JAG1: variants seen among roughly 807,000 people sequenced by gnomAD.
JAG1 encodes protein jagged-1.
JAG1 carries 23 observed loss-of-function variants against 148.7 expected under a neutral mutation model. That is an observed-to-expected ratio of 0.15 (90% CI 0.11 to 0.22). JAG1 has a LOEUF of 0.22. JAG1 is among the 10% of genes least tolerant of loss of function. The probability of loss-of-function intolerance (pLI) is 1.00; values close to 1 mark genes in which losing one functional copy is unlikely to be tolerated. For missense variants in JAG1, 1,054 were observed against 1,611.2 expected (o/e 0.65, Z 5.92); for synonymous variants, 572 against 598.3 (o/e 0.96, Z 0.64).
chr20:10,648,125 A>G lies in JAG1; in HGVS notation c.1570-15T>C. ...TCGATGTCCAGCTGCAAATATCAGG[A>G]ACAGCGAAAAGGGGGAGGGATCAGA... On this transcript the variant is annotated splice_polypyrimidine_tract_variant and intron_variant, in intron 12 of 25. Transcript: ENST00000254958. 6.2e-7 allele frequency: 1 copy of G among 1,614,142 alleles called. No homozygotes were observed. The highest frequency in any genetic ancestry group is 8.5e-7 in the Non-Finnish European group (1 of 1,179,992).
rs757261841 is a variant in JAG1, at chr20:10,640,921, T to G, written c.3061A>C (p.Ile1021Leu). 1.2e-6 allele frequency: 2 copies of G among 1,614,204 alleles called. No homozygotes were observed. The highest frequency in any genetic ancestry group is 1.7e-6 in the Non-Finnish European group (2 of 1,180,016). Reference sequence around the variant, plus strand: ...TTGATCGGGTTCCCATCATCCCGTATATCTTCAGCAGACTGGAAAAACAAT... The same window carrying G: ...TTGATCGGGTTCCCATCATCCCGTAGATCTTCAGCAGACTGGAAAAACAAT... ...EIHVAISAEDIRDDGNPIKEI... is the reference protein window; with the variant it reads ...EIHVAISAEDLRDDGNPIKEI... Residue 1021 changes from isoleucine to leucine, a missense_variant, in exon 25 of 26, where the codon ATA (isoleucine) becomes CTA (leucine). Physicochemically the swap from Ile to Leu is conservative, Grantham distance 5. This residue lies in a region of JAG1 where 342 missense variants were observed against 514.6 expected (regional missense o/e 0.66). Coordinates refer to ENST00000254958, the MANE Select transcript of JAG1 (RefSeq NM_000214.3).
At chr20:10,640,587 G>C (rs1237983469) in intron 25 of JAG1, among the ~76,000 whole-genome samples, 196 bp downstream of exon 25, 5 of 152,230 alleles carry the variant, frequency 3.3e-5, no homozygotes, top group Admixed American at 6.5e-5. Flanking sequence ...TGTTGGGAAG[G>C]AAAATATGAG....
At chr20:10,643,721 G>A (rs2067288757) in intron 20 of JAG1, 57 bp downstream of exon 20, 1 of 1,318,952 alleles carries the variant, frequency 7.6e-7, no homozygotes, top group South Asian at 1.2e-5. Flanking sequence ...GTCTTGGGGT[G>A]AGGCATGGAA....
rs754593633 is a variant in JAG1 at position 10,640,829 on chromosome 20, G to A, written c.3153C>T (p.Ala1051=). 26 of 1,613,982 alleles carry A rather than the reference G, an allele frequency of 1.6e-5. No homozygotes were observed. Among genetic ancestry groups the A allele is most frequent in the East Asian group, 4.5e-5 (2 of 44,884 alleles). The change falls in exon 25 of 26, where the codon GCC becomes GCT. Residue 1051 remains alanine, a synonymous_variant. Coordinates refer to ENST00000254958, the MANE Select transcript of JAG1 (RefSeq NM_000214.3). The stretch of plus-strand genomic sequence containing the variant: ...GCCTCTGAACTCTTACTTCTGCAAC[G>A]GCAGCAATCAGCGAGCTGTTTCCAT... ...KRDGNSSLIA[A]VAEVRVQRRP...
chr20:10,643,756 A>G lies in JAG1; in HGVS notation c.2458+22T>C, dbSNP rs748268587. ...ATGAAGCGGTAAAGCCATTGGGAAA[A>G]CCAGACGGAGACAGTCCTTACTTAT... On this transcript the variant is annotated intron_variant, in intron 20 of 25. Coordinates refer to ENST00000254958, the MANE Select transcript of JAG1 (RefSeq NM_000214.3). The G allele has an allele frequency of 4.4e-6, 7 of 1,603,356 alleles. No individual in the cohort carries two copies. The South Asian group carries it at 7.7e-5, about 18-fold the overall frequency.
At chr20:10,668,110 A>T (rs73604317) in intron 2 of JAG1, among the ~76,000 whole-genome samples, 1 of 151,060 alleles carries the variant, frequency 6.6e-6, no homozygotes, top group South Asian at 2.1e-4. Flanking sequence ...AAAAAAAAAA[A>T]AAAAAACAGC....
intron 13 of JAG1, 153 bp from the exon 14 acceptor site, chr20:10,647,256 C>A (rs1450090553): frequency 5.0e-6 from 4 of 800,214 alleles, no homozygotes; most frequent in Non-Finnish European, 8.4e-6. Context: ...GGCAACGTGC[C>A]ACATCACATT....
chr20:10,642,002 G>A, intron 21 of JAG1, 110 bp from the exon 22 acceptor site: 2 of 790,388 alleles, frequency 2.5e-6, no homozygotes, highest in Non-Finnish European at 4.5e-6. Context: ...GCCATGTTAA[G>A]ATCATTCTTC....
chr20:10,656,603 G>A, intron 4 of JAG1, 145 bp from the exon 5 acceptor site: 2 of 687,798 alleles, frequency 2.9e-6, no homozygotes, highest in Non-Finnish European at 5.2e-6. Flanking sequence ...AGAGGAAGAT[G>A]GGAGGGGCCC....
In JAG1 at chr20:10,650,195, ACAAT is replaced by A. The variant is rs942198254; in HGVS notation, c.1234+48_1234+51del. 5.1e-6 allele frequency: 6 copies of A among 1,183,002 alleles called. No individual in the cohort carries two copies. In the African/African-American group the frequency reaches 7.5e-5, roughly 15 times the overall value. 73.3% of individuals were successfully genotyped at this position (1,183,002 alleles called of 1,614,324 possible). On this transcript the variant is annotated intron_variant, in intron 9 of 25. Transcript: ENST00000254958. ...ACGCTCGTCTTCTGTAATGGCTTTGACAATCAAAGCCAACCTTGGTATAAAAATT... is the reference window on the plus strand; with the variant it reads ...ACGCTCGTCTTCTGTAATGGCTTTGACAAAGCCAACCTTGGTATAAAAATT...
rs531287380 is a variant in JAG1, at chr20:10,647,473, C to T, written c.1721-370G>A. 3.3e-5 allele frequency among the ~76,000 whole-genome samples: 5 copies of T among 152,356 alleles called. No individual in the cohort carries two copies. The South Asian group carries it at 1.0e-3, about 32-fold the overall frequency. ...AGGCTCAAGGACAATCTTATAGAAG[C>T]TTTAAATGTTGTGCTGCCTAATACA... is the stretch of plus-strand genomic sequence containing the variant. On this transcript the variant is annotated intron_variant, in intron 13 of 25. Transcript: ENST00000254958.
intron 9 of JAG1, 126 bp from the exon 10 acceptor site, chr20:10,649,761 A>G (rs1441179589): frequency 1.4e-6 from 1 of 705,174 alleles, no homozygotes; most frequent in Non-Finnish European, 2.6e-6. Context: ...AGCTAAATAA[A>G]AGATACTAGA....
chr20:10,673,073 G>C lies in JAG1; in HGVS notation c.82-67C>G. On this transcript the variant is annotated intron_variant, in intron 1 of 25. Transcript: ENST00000254958. This position sits in a 1 kb window ranked among gnomAD's most constrained non-coding sequence, Gnocchi z 4.7. Reference sequence around the variant, plus strand: ...TGTTTTCTTCGAGTATAGAGGTGGCGACTCCCTCCCACTCCCCGCCCCGAC... The same window carrying C: ...TGTTTTCTTCGAGTATAGAGGTGGCCACTCCCTCCCACTCCCCGCCCCGAC... The C allele has an allele frequency of 6.8e-7, 1 of 1,476,968 alleles. No individual in the cohort carries two copies. The highest frequency in any genetic ancestry group is 9.3e-7 in the Non-Finnish European group (1 of 1,074,698). The allele number at this position is 1,476,968 out of a possible 1,614,324, so 91.5% of individuals were successfully genotyped here.
intron 21 of JAG1, 28 bp from the exon 22 acceptor site, chr20:10,641,920 T>C (rs1354716158): frequency 8.3e-6 from 12 of 1,448,926 alleles, no homozygotes; most frequent in Non-Finnish European, 1.2e-5. Flanking sequence ...GTGAGCAGTT[T>C]ATTTTTCTGT....
chr20:10,648,481 A>C lies in JAG1; in HGVS notation c.1569+68T>G, dbSNP rs34325313. ...AGACACAAGAGCTGAGGGAAAAGTA[A>C]AGGGAAGCGGAGGAGGCAGCGGCTC... On this transcript the variant is annotated intron_variant, in intron 12 of 25. Transcript: ENST00000254958. 190,998 of 1,299,272 alleles carry C rather than the reference A, an allele frequency of 0.15. 17,218 individuals carry two copies. The highest frequency in any genetic ancestry group is 0.37 in the South Asian group (30,944 of 84,194). The allele number at this position is 1,299,272 out of a possible 1,614,324, so 80.5% of individuals were successfully genotyped here. A position where few individuals can be genotyped will look rare whatever the true frequency, so the allele number is the denominator to read the frequency against.
intron 9 of JAG1, 42 bp downstream of exon 9, chr20:10,650,205 C>T (rs1307496202): frequency 7.5e-7 from 1 of 1,341,510 alleles, no homozygotes; most frequent in African/African-American, 1.4e-5. Context: ...ACAATCAAAG[C>T]CAACCTTGGT....
rs771530161 is a variant in JAG1 at position 10,639,859 on chromosome 20, G to GGCTTCCGCC, written c.3287_3295dup (p.Arg1096_Lys1098dup). 3 of 1,614,120 alleles carry GGCTTCCGCC rather than the reference G, an allele frequency of 1.9e-6. No homozygotes were observed. The highest frequency in any genetic ancestry group is 2.5e-6 in the Non-Finnish European group (3 of 1,179,992). On this transcript the variant is annotated inframe_insertion, in exon 26 of 26. Transcript: ENST00000254958. ...AGAGGCTGAGTGTGTGTGGCTGCCCGGCTTCCGCCGCTTCCGCAGGCACCA... is the reference window on the plus strand; with the variant it reads ...AGAGGCTGAGTGTGTGTGGCTGCCCGGCTTCCGCCGCTTCCGCCGCTTCCGCAGGCACCA...
At position 10,648,802 on chromosome 20, in the gene JAG1, A is replaced by G. The variant is rs1157541778; in HGVS notation, c.1396-80T>C. On this transcript the variant is annotated intron_variant, in intron 11 of 25. Coordinates refer to ENST00000254958, the MANE Select transcript of JAG1 (RefSeq NM_000214.3). The stretch of plus-strand genomic sequence containing the variant: ...AAACACAGGGCTTCAGCGGTTTAGC[A>G]TGACTGTTGCGGTTTAGCTGGTTCA... 3.6e-6 allele frequency: 5 copies of G among 1,395,654 alleles called. No individual in the cohort carries two copies. The African/African-American group carries it at 5.7e-5, about 16-fold the overall frequency. 86.5% of individuals were successfully genotyped at this position (1,395,654 alleles called of 1,614,324 possible). A position where few individuals can be genotyped will look rare whatever the true frequency, so the allele number is the denominator to read the frequency against.
Position 10,643,821 on chromosome 20 carries a change from C to A in JAG1, c.2415G>T (p.Arg805=). 1 of 1,614,148 alleles carries A rather than the reference C, an allele frequency of 6.2e-7. No homozygotes were observed. Among genetic ancestry groups the A allele is most frequent in the African/African-American group, 1.3e-5 (1 of 75,032 alleles). ...GTCVDGDNWY[R]CECAPGFAGP... The stretch of plus-strand genomic sequence containing the variant: ...CAGCAAAACCCGGGGCACATTCGCA[C>A]CGGTACCAGTTGTCTCCATCCACAC... The change falls in exon 20 of 26, where the codon CGG becomes CGT. Residue 805 remains arginine, a synonymous_variant. Transcript: ENST00000254958.
Sources: allele counts gnomAD v4.1 joint callset (sites outside exome capture counted in the v4.1 genomes callset), GRCh38; gene constraint gnomAD v4.1.1; regional missense constraint gnomAD v4.1.1; non-coding constraint Gnocchi (gnomAD v3.1); transcripts MANE v1.5; gene names NCBI Gene and HGNC (gene_info 2026-07-23, HGNC 2026-07-21).